Variants in STXBP3 observed in about 807,000 individuals in gnomAD.
The protein encoded by STXBP3 is syntaxin-binding protein 3.
In STXBP3, 41 loss-of-function variants were observed where a neutral mutation model predicts 85.7. The observed-to-expected ratio is 0.48, with a 90% CI of 0.37 to 0.62. The LOEUF is 0.62. Ranked by LOEUF, STXBP3 falls within the 20% of genes least tolerant of loss-of-function variation. The pLI, the probability that STXBP3 is intolerant of heterozygous loss-of-function variation, is 0.00. For missense variants in STXBP3, 563 were observed against 703.1 expected (o/e 0.80, Z 2.25); for synonymous variants, 229 against 231.7 (o/e 0.99, Z 0.10).
At chr1:108,754,006 T>C (rs1442464735) in intron 3 of STXBP3, among the ~76,000 whole-genome samples, 1 of 151,760 alleles carries the variant, frequency 6.6e-6, no homozygotes, top group African/African-American at 2.4e-5. Flanking sequence ...ATAATATTTA[T>C]GTTTTGATGT....
chr1:108,796,463 A>G, intron 14 of STXBP3, 91 bp downstream of exon 14: 1 of 1,210,202 alleles, frequency 8.3e-7, no homozygotes, highest in Non-Finnish European at 1.1e-6. Flanking sequence ...AACTTGGTTA[A>G]GATAAAAGGG....
In STXBP3 at chr1:108,772,828, C is replaced by T. The variant is rs1199917486; in HGVS notation, c.593+9C>T. The stretch of plus-strand genomic sequence containing the variant: ...GGAGTAAGATATAAAAGGTAAGACA[C>T]TGAGCATCTGCACATGTTATGCTTC... On this transcript the variant is annotated intron_variant, in intron 7 of 18. Coordinates refer to ENST00000370008, the MANE Select transcript of STXBP3 (RefSeq NM_007269.4). 1.9e-6 allele frequency: 3 copies of T among 1,575,522 alleles called. No individual in the cohort carries two copies. The highest frequency in any genetic ancestry group is 1.7e-6 in the Non-Finnish European group (2 of 1,157,960).
intron 11 of STXBP3, among the ~76,000 whole-genome samples, chr1:108,789,005 A>G (rs1391339666): frequency 2.6e-5 from 4 of 152,188 alleles, no homozygotes; most frequent in Non-Finnish European, 4.4e-5. Context: ...CGGAGGTTGC[A>G]GTGAGCCAAG....
intron 3 of STXBP3, among the ~76,000 whole-genome samples, chr1:108,753,446 T>C (rs1661950622): frequency 6.6e-6 from 1 of 152,004 alleles, no homozygotes; most frequent in Non-Finnish European, 1.5e-5. Flanking sequence ...ATACACAAGC[T>C]TTACTTCAGT....
chr1:108,793,676 A>C, intron 12 of STXBP3, 29 bp downstream of exon 12: 2 of 1,570,898 alleles, frequency 1.3e-6, no homozygotes, highest in Non-Finnish European at 1.7e-6. Flanking sequence ...GAGATACCTG[A>C]TTAGTTTTAG....
chr1:108,794,967 G>C, intron 13 of STXBP3, 60 bp downstream of exon 13: 1 of 1,454,790 alleles, frequency 6.9e-7, no homozygotes, highest in Non-Finnish European at 9.3e-7. Flanking sequence ...AACTTTGTAA[G>C]TTAAAACCTA....
intron 1 of STXBP3, among the ~76,000 whole-genome samples, chr1:108,750,551 AAT>A (rs1661878500): frequency 6.6e-6 from 1 of 152,176 alleles, no homozygotes; most frequent in Non-Finnish European, 1.5e-5. Context: ...TCTGACACCA[AAT>A]ATGTGTTTTA....
intron 17 of STXBP3, among the ~76,000 whole-genome samples, chr1:108,806,386 A>G (rs921549559): frequency 1.3e-5 from 2 of 152,046 alleles, no homozygotes; most frequent in African/African-American, 4.8e-5. Context: ...GCTAGTGGCT[A>G]CTATATGGGA....
intron 7 of STXBP3, among the ~76,000 whole-genome samples, chr1:108,775,140 C>T (rs1037249771): frequency 6.6e-6 from 1 of 151,538 alleles, no homozygotes. Context: ...GTTGAATTAC[C>T]CTTTATAGAT....
intron 11 of STXBP3, among the ~76,000 whole-genome samples, chr1:108,785,548 G>A (rs746863543): frequency 2.6e-4 from 35 of 136,948 alleles, no homozygotes; most frequent in Non-Finnish European, 4.9e-4. Flanking sequence ...TCTCTGACAT[G>A]CCCTGGAGAC....
chr1:108,752,310 G>C lies in STXBP3; in HGVS notation c.99+4G>C, dbSNP rs1281540193. On this transcript the variant is annotated splice_donor_region_variant and intron_variant, in intron 2 of 18. Coordinates refer to ENST00000370008, the MANE Select transcript of STXBP3 (RefSeq NM_007269.4). ...CAAGAAAGAAGGCGAATGGAAGGTA[G>C]AGTTTGCATACCTTGCTCTTATAAA... 6.2e-7 allele frequency: 1 copy of C among 1,611,070 alleles called. No homozygotes were observed. Among genetic ancestry groups the C allele is most frequent in the East Asian group, 2.2e-5 (1 of 44,748 alleles).
intron 17 of STXBP3, among the ~76,000 whole-genome samples, chr1:108,803,297 T>C (rs936826403): frequency 8.5e-5 from 13 of 152,212 alleles, no homozygotes; most frequent in Non-Finnish European, 5.9e-5. Context: ...TTAAATGTTA[T>C]AATACTTCAT....
Position 108,776,395 on chromosome 1 carries a change from A to G in STXBP3, c.656A>G (p.Tyr219Cys). 2 of 1,608,710 alleles carry G rather than the reference A, an allele frequency of 1.2e-6. No individual in the cohort carries two copies. The highest frequency in any genetic ancestry group is 1.7e-5 in the Admixed American group (1 of 59,656). Residue 219 changes from tyrosine to cysteine, a missense_variant, in exon 8 of 19, where the codon TAC becomes TGC. Around this residue, in one of 3 missense-constraint regions of STXBP3, gnomAD observed 494 missense variants for 592.8 expected, o/e 0.83. Transcript: ENST00000370008. ...GTTGAAAAAAAGCTTGAAGACTACT[A>G]CAAGATTGATGAAAAGAGCCTAATA... ...QLVEKKLEDYYKIDEKSLIKG... is the reference protein window; with the variant it reads ...QLVEKKLEDYCKIDEKSLIKG...
intron 17 of STXBP3, among the ~76,000 whole-genome samples, chr1:108,801,710 G>A (rs936127237): frequency 2.0e-5 from 3 of 151,468 alleles, no homozygotes; most frequent in Non-Finnish European, 4.4e-5. Flanking sequence ...GCCCACACTG[G>A]AGTGCAGGAG....
chr1:108,798,564 C>T (rs1197329344), intron 16 of STXBP3, among the ~76,000 whole-genome samples: 4 of 151,804 alleles, frequency 2.6e-5, no homozygotes, highest in African/African-American at 7.3e-5. Flanking sequence ...TACAGGCACA[C>T]GCCACCATGC....
intron 6 of STXBP3, among the ~76,000 whole-genome samples, chr1:108,765,568 T>A (rs1767016): frequency 2.1e-5 from 3 of 139,636 alleles, no homozygotes; most frequent in Non-Finnish European, 4.5e-5. Context: ...CACCACATGC[T>A]AATTTTTTTT....
At chr1:108,749,117 G>A (rs968166810) in intron 1 of STXBP3, among the ~76,000 whole-genome samples, 3 of 152,202 alleles carry the variant, frequency 2.0e-5, no homozygotes, top group Non-Finnish European at 4.4e-5. Context: ...CAGTACTTCA[G>A]TGAGAGAGAA....
intron 6 of STXBP3, among the ~76,000 whole-genome samples, chr1:108,765,591 T>TTTTTTA (rs796642937): frequency 1.6e-5 from 2 of 122,690 alleles, no homozygotes; most frequent in Non-Finnish European, 3.4e-5. Flanking sequence ...TTTTTTTTTT[T>TTTTTTA]TGAGACGGAG....
At position 108,809,008 on chromosome 1, in the gene STXBP3, AG is replaced by A; in HGVS notation, c.*133del. ...AATGGCTTTTCAAATACATTTCTTA[AG>A]GAACTGTTTATGATTATTACTGGAT... On this transcript the variant is annotated 3_prime_UTR_variant, in exon 19 of 19. Transcript: ENST00000370008. 1.6e-6 allele frequency: 1 copy of A among 621,806 alleles called. No homozygotes were observed. The highest frequency in any genetic ancestry group is 2.7e-6 in the Non-Finnish European group (1 of 368,658). 38.5% of individuals were successfully genotyped at this position (621,806 alleles called of 1,614,324 possible).
Sources: allele counts gnomAD v4.1 joint callset (sites outside exome capture counted in the v4.1 genomes callset), GRCh38; gene constraint gnomAD v4.1.1; regional missense constraint gnomAD v4.1.1; transcripts MANE v1.5; gene names NCBI Gene and HGNC (gene_info 2026-07-23, HGNC 2026-07-21).